The following BCAS3 variants were observed in gnomAD, a reference collection of about 807,000 sequenced individuals.
The protein encoded by BCAS3 is BCAS4/BCAS3 fusion.
Under a neutral mutation model 116.1 loss-of-function variants are expected in BCAS3, and 53 were observed. The observed-to-expected ratio is 0.46, with a 90% confidence interval of 0.37 to 0.57. The LOEUF (loss-of-function observed/expected upper bound fraction) is 0.57. Among genes scored for constraint, BCAS3 ranks in the 20% least tolerant of loss-of-function variants. The probability of loss-of-function intolerance (pLI) is 0.00; values close to 1 mark genes in which losing one functional copy is unlikely to be tolerated. For synonymous variants in BCAS3, 391 were observed against 408.2 expected, an observed-to-expected ratio of 0.96 and a Z score of 0.51; for missense variants, 917 against 1,165.4, an observed-to-expected ratio of 0.79 and a Z score of 3.10.
At chr17:61,119,139 G>A (rs553526965) in intron 22 of BCAS3, among the ~76,000 whole-genome samples, 2 of 152,236 alleles carry the variant, frequency 1.3e-5, no homozygotes, top group East Asian at 1.9e-4. Context: ...ATAATAAATA[G>A]CATTAGCATT....
chr17:60,896,887 G>C (rs969309517), intron 10 of BCAS3, among the ~76,000 whole-genome samples: 1 of 151,960 alleles, frequency 6.6e-6, no homozygotes, highest in East Asian at 1.9e-4. Flanking sequence ...TGGTTATTTC[G>C]TATATTTTTG....
intron 22 of BCAS3, among the ~76,000 whole-genome samples, chr17:61,209,524 G>T (rs2081334801): frequency 6.6e-6 from 1 of 152,148 alleles, no homozygotes; most frequent in Non-Finnish European, 1.5e-5. Flanking sequence ...TCAGTGCAGT[G>T]GTTTCTATTT....
At chr17:61,046,011 T>TTATATATATATAATATATATA (rs2068197573) in intron 19 of BCAS3, among the ~76,000 whole-genome samples, 1 of 9,224 alleles carries the variant, frequency 1.1e-4, no homozygotes, top group African/African-American at 8.7e-4. Flanking sequence ...AATATATATA[T>TTATATATATATAATATATATA]TTATATATAT....
chr17:61,216,357 A>G (rs1272443028), intron 22 of BCAS3, among the ~76,000 whole-genome samples: 15 of 152,176 alleles, frequency 9.9e-5, no homozygotes, highest in Admixed American at 9.8e-4. Context: ...TCTACAAGGT[A>G]CTGAAGGGGA....
At chr17:61,045,870 TATATA>T in intron 19 of BCAS3, among the ~76,000 whole-genome samples, 1 of 50,232 alleles carries the variant, frequency 2.0e-5, no homozygotes, top group African/African-American at 1.8e-4. Flanking sequence ...TATATAAATA[TATATA>T]AATATATATT....
At chr17:60,886,730 G>T (rs1322012456) in intron 9 of BCAS3, among the ~76,000 whole-genome samples, 1 of 152,072 alleles carries the variant, frequency 6.6e-6, no homozygotes, top group South Asian at 2.1e-4. Flanking sequence ...TGCTCCTGCT[G>T]GGGGGTGCCT....
At chr17:60,794,377 T>C (rs2047036110) in intron 6 of BCAS3, among the ~76,000 whole-genome samples, 1 of 151,838 alleles carries the variant, frequency 6.6e-6, no homozygotes. Flanking sequence ...TTCTGACTGT[T>C]CCTTTTGCTA....
rs1289282315 is a variant in BCAS3 at position 61,124,960 on chromosome 17, A to G, written c.2425+40396A>G. Among the ~76,000 whole-genome samples, 1 of 152,214 alleles carries G rather than the reference A, an allele frequency of 6.6e-6. No homozygotes were observed. Among genetic ancestry groups the G allele is most frequent in the Non-Finnish European group, 1.5e-5 (1 of 68,024 alleles). On this transcript the variant is annotated intron_variant, in intron 22 of 23. Transcript: ENST00000407086. This position sits in a 1 kb window ranked among gnomAD's most constrained non-coding sequence, Gnocchi z 4.6. The stretch of plus-strand genomic sequence containing the variant: ...AAAGTGAGGAGTGGGGAGATGTAAG[A>G]CAAATTCCCTTTTCTTTCTTCACTT...
chr17:60,775,245 A>C (rs1244009692), intron 6 of BCAS3, among the ~76,000 whole-genome samples: 1 of 152,208 alleles, frequency 6.6e-6, no homozygotes, highest in African/African-American at 2.4e-5. Context: ...ATGCAGTAGC[A>C]AAAGAAAGTG....
intron 7 of BCAS3, chr17:60,851,455 C>A: frequency 2.0e-6 from 1 of 497,272 alleles, no homozygotes; most frequent in South Asian, 1.6e-5. Context: ...CCGCGGTTGT[C>A]AGCTAAACTT....
chr17:60,814,957 C>A (rs974767936), intron 7 of BCAS3, among the ~76,000 whole-genome samples: 1 of 152,040 alleles, frequency 6.6e-6, no homozygotes, highest in Non-Finnish European at 1.5e-5. Flanking sequence ...TGGATATATA[C>A]CCAAAGGATT....
chr17:60,841,843 C>T (rs568492684), intron 7 of BCAS3, among the ~76,000 whole-genome samples: 44 of 152,158 alleles, frequency 2.9e-4, no homozygotes, highest in African/African-American at 9.4e-4. Context: ...TCTGCAGTTC[C>T]TTGGCATAGG....
chr17:60,905,295 A>G (rs1413030675), intron 11 of BCAS3, among the ~76,000 whole-genome samples: 1 of 152,228 alleles, frequency 6.6e-6, no homozygotes, highest in Non-Finnish European at 1.5e-5. Context: ...ATAATCCACA[A>G]TATAAGCTGG....
At chr17:60,734,654 A>G (rs1224270302) in intron 5 of BCAS3, among the ~76,000 whole-genome samples, 3 of 152,336 alleles carry the variant, frequency 2.0e-5, no homozygotes, top group South Asian at 4.1e-4. Flanking sequence ...ATGTGGGTCT[A>G]TGAACTCTTT....
At position 61,392,000 on chromosome 17, in the gene BCAS3, G is replaced by A. The variant is rs747279629; in HGVS notation, c.2617G>A (p.Glu873Lys). The A allele has an allele frequency of 2.3e-5, 37 of 1,613,792 alleles. No homozygotes were observed. The highest frequency in any genetic ancestry group is 3.1e-5 in the Non-Finnish European group (37 of 1,179,960). The change falls in exon 24 of 24, where the codon GAG becomes AAG. Residue 873 changes from glutamate (E) to lysine (K), a missense_variant. Glu to Lys is a moderately conservative substitution (Grantham distance 56). Around this residue, in one of 3 missense-constraint regions of BCAS3, gnomAD observed 109 missense variants for 122.8 expected, o/e 0.89. Transcript: ENST00000407086. The surrounding 1 kb of genome is among the most constrained non-coding windows in gnomAD (Gnocchi z 7.7). ...AGAACTTCAGCGAGAGGGAAGCATC[G>A]AGACTCTGAGTAACAGCTCAGGCTC... ...GTELQREGSIETLSNSSGSTS... is the reference protein window; with the variant it reads ...GTELQREGSIKTLSNSSGSTS...
intron 6 of BCAS3, among the ~76,000 whole-genome samples, chr17:60,785,417 C>G (rs1210496489): frequency 6.6e-6 from 1 of 152,138 alleles, no homozygotes; most frequent in African/African-American, 2.4e-5. Flanking sequence ...CCTTGGCCTC[C>G]CAAAGTGCTG....
At chr17:60,910,845 T>A in intron 12 of BCAS3, 143 bp downstream of exon 12, 1 of 765,106 alleles carries the variant, frequency 1.3e-6, no homozygotes, top group Non-Finnish European at 2.0e-6. Flanking sequence ...GGTTTTTCTT[T>A]AAAAATGATT....
chr17:60,711,933 A>G (rs1163039947), intron 5 of BCAS3, among the ~76,000 whole-genome samples: 1 of 152,020 alleles, frequency 6.6e-6, no homozygotes, highest in Non-Finnish European at 1.5e-5. Flanking sequence ...AGGCCAAGGC[A>G]GGCAGATCAT....
intron 12 of BCAS3, among the ~76,000 whole-genome samples, chr17:60,912,390 T>A (rs1196340725): frequency 6.6e-6 from 1 of 152,134 alleles, no homozygotes; most frequent in Non-Finnish European, 1.5e-5. Flanking sequence ...TGGGTTGGTG[T>A]TGTGATGAAA....
Sources: allele counts gnomAD v4.1 joint callset (sites outside exome capture counted in the v4.1 genomes callset), GRCh38; gene constraint gnomAD v4.1.1; regional missense constraint gnomAD v4.1.1; non-coding constraint Gnocchi (gnomAD v3.1); transcripts MANE v1.5; gene names NCBI Gene and HGNC (gene_info 2026-07-23, HGNC 2026-07-21).